PLCH1: variants seen among roughly 807,000 people sequenced by gnomAD.
PLCH1 encodes phospholipase C eta 1, also known as 1-phosphatidylinositol 4,5-bisphosphate phosphodiesterase eta-1.
PLCH1 carries 60 observed loss-of-function variants against 126.7 expected under a neutral mutation model. That is an observed-to-expected ratio of 0.47 (90% CI 0.38 to 0.59). PLCH1 has a LOEUF of 0.59. Among genes scored for constraint, PLCH1 ranks in the 20% least tolerant of loss-of-function variants. PLCH1 has a pLI of 0.00. For missense variants in PLCH1, 1,723 were observed against 2,040.0 expected (o/e 0.84, Z 2.99); for synonymous variants, 719 against 734.9 (o/e 0.98, Z 0.35).
chr3:155,455,292 G>A (rs1189460763), intron 21 of PLCH1, among the ~76,000 whole-genome samples: 1 of 152,126 alleles, frequency 6.6e-6, no homozygotes, highest in African/African-American at 2.4e-5. Flanking sequence ...CTCTCAAGGG[G>A]ACTGGAGTGA....
At chr3:155,620,806 C>A (rs1053705002) in intron 2 of PLCH1, among the ~76,000 whole-genome samples, 1 of 152,062 alleles carries the variant, frequency 6.6e-6, no homozygotes, top group African/African-American at 2.4e-5. Context: ...GACAGAGCAC[C>A]TGGGGGAAGG....
At chr3:155,607,213 G>A (rs1191739132) in intron 2 of PLCH1, among the ~76,000 whole-genome samples, 4 of 152,104 alleles carry the variant, frequency 2.6e-5, no homozygotes, top group East Asian at 3.9e-4. Flanking sequence ...TCTAAAATGC[G>A]AAAGAGAAAC....
intron 1 of PLCH1, among the ~76,000 whole-genome samples, chr3:155,730,111 T>C (rs892508824): frequency 3.3e-5 from 5 of 152,062 alleles, no homozygotes; most frequent in Non-Finnish European, 2.9e-5. Flanking sequence ...GATGGGTTCT[T>C]AATCCTCTAA....
chr3:155,564,762 T>G (rs972116587), intron 8 of PLCH1, among the ~76,000 whole-genome samples, 153 bp downstream of exon 8: 4 of 152,160 alleles, frequency 2.6e-5, no homozygotes, highest in Non-Finnish European at 5.9e-5. Context: ...CAGAGAGAAT[T>G]ATGAGTTAAG....
At chr3:155,647,997 T>C (rs1740257399) in intron 2 of PLCH1, among the ~76,000 whole-genome samples, 1 of 152,236 alleles carries the variant, frequency 6.6e-6, no homozygotes, top group Admixed American at 6.5e-5. Context: ...TTCAACCTGC[T>C]GTATTTATCC....
chr3:155,679,138 A>C (rs1297690274), intron 2 of PLCH1, among the ~76,000 whole-genome samples: 1 of 152,228 alleles, frequency 6.6e-6, no homozygotes, highest in Non-Finnish European at 1.5e-5. Context: ...TTGTCATATA[A>C]AACAAGACAC....
intron 2 of PLCH1, among the ~76,000 whole-genome samples, chr3:155,596,876 A>G (rs1292763284): frequency 6.6e-6 from 1 of 152,258 alleles, no homozygotes; most frequent in Non-Finnish European, 1.5e-5. Flanking sequence ...GTTTGAAAAT[A>G]GCTAAATAAA....
At position 155,583,792 on chromosome 3, in the gene PLCH1, A is replaced by C. The variant is rs148289016; in HGVS notation, c.601-150T>G. 1,931 of 543,544 alleles carry C rather than the reference A, an allele frequency of 3.6e-3. 24 individuals are homozygous for C. Among genetic ancestry groups the C allele is most frequent in the Middle Eastern group, 0.018 (38 of 2,086 alleles). 33.7% of individuals were successfully genotyped at this position (543,544 alleles called of 1,614,324 possible). A position where few individuals can be genotyped will look rare whatever the true frequency, so the allele number is the denominator to read the frequency against. On this transcript the variant is annotated intron_variant, in intron 5 of 22. Transcript: ENST00000460012. The stretch of plus-strand genomic sequence containing the variant: ...TCGAGCACACATTCTCTTCAAGCAC[A>C]CATGGAACATTATAAAGCAACCACA...
chr3:155,631,930 A>G (rs1738087490), intron 2 of PLCH1, among the ~76,000 whole-genome samples: 1 of 146,050 alleles, frequency 6.8e-6, no homozygotes, highest in African/African-American at 2.6e-5. Flanking sequence ...GTCTTGAAGC[A>G]CTTGACTCAG....
intron 10 of PLCH1, among the ~76,000 whole-genome samples, chr3:155,538,946 A>G (rs1723834693): frequency 1.1e-4 from 1 of 9,310 alleles, no homozygotes; most frequent in African/African-American, 1.7e-4. Context: ...AGGACATAAC[A>G]AAAAAAAAAG....
Position 155,498,348 on chromosome 3 carries a change from T to C in PLCH1, c.1797-931A>G, listed in dbSNP as rs1453142568. 3.9e-5 allele frequency among the ~76,000 whole-genome samples: 6 copies of C among 152,306 alleles called. No individual in the cohort carries two copies. The South Asian group carries it at 1.0e-3, about 26-fold the overall frequency. On this transcript the variant is annotated intron_variant, in intron 14 of 22. Coordinates refer to ENST00000460012, the MANE Select transcript of PLCH1 (RefSeq NM_014996.4). Reference sequence around the variant, plus strand: ...AGGAAAGAGAAAAACAACATATATATAGGGTTCACTACCATCTGTGGTTTC... The same window carrying C: ...AGGAAAGAGAAAAACAACATATATACAGGGTTCACTACCATCTGTGGTTTC...
At chr3:155,466,870 G>A (rs183198295) in intron 21 of PLCH1, among the ~76,000 whole-genome samples, 296 of 152,248 alleles carry the variant, frequency 1.9e-3, no homozygotes, top group African/African-American at 6.7e-3. Flanking sequence ...ATGCATCAGA[G>A]TTCTTTAATT....
At chr3:155,600,803 T>A (rs1287832070) in intron 2 of PLCH1, among the ~76,000 whole-genome samples, 1 of 152,192 alleles carries the variant, frequency 6.6e-6, no homozygotes, top group Non-Finnish European at 1.5e-5. Context: ...TTTCCATGTT[T>A]CTACAGAGTC....
chr3:155,668,172 A>G (rs1295100423), intron 2 of PLCH1, among the ~76,000 whole-genome samples: 1 of 151,990 alleles, frequency 6.6e-6, no homozygotes, highest in East Asian at 1.9e-4. Flanking sequence ...TATTTGCAGT[A>G]ACAATCAACA....
intron 21 of PLCH1, among the ~76,000 whole-genome samples, chr3:155,465,104 G>A (rs2107976718): frequency 7.5e-6 from 1 of 133,714 alleles, no homozygotes; most frequent in Admixed American, 7.7e-5. Flanking sequence ...GTGAGACTCT[G>A]TCTCAAAAAA....
rs116061197 is a variant in PLCH1, at chr3:155,612,974, A to G, written c.80-16596T>C. 1.8e-3 allele frequency among the ~76,000 whole-genome samples: 268 copies of G among 151,914 alleles called. 3 individuals carry two copies. Among genetic ancestry groups the G allele is most frequent in the African/African-American group, 6.3e-3 (261 of 41,396 alleles). ...TAGAAACAAAACGAGAGATATTACA[A>G]TCAATAATACAGAAATACAAAAGAT... On this transcript the variant is annotated intron_variant, in intron 2 of 22. Coordinates refer to ENST00000460012, the MANE Select transcript of PLCH1 (RefSeq NM_014996.4).
At chr3:155,492,991 C>A (rs1716478132) in intron 17 of PLCH1, 138 bp from the exon 18 acceptor site, 1 of 736,020 alleles carries the variant, frequency 1.4e-6, no homozygotes, top group Non-Finnish European at 2.0e-6. Context: ...TGTGGCATAG[C>A]TGTGGTTTTC....
At chr3:155,464,095 C>T (rs532035822) in intron 21 of PLCH1, among the ~76,000 whole-genome samples, 1 of 152,116 alleles carries the variant, frequency 6.6e-6, no homozygotes, top group Admixed American at 6.6e-5. Flanking sequence ...TTCACAGGTG[C>T]ATTGGAGGTC....
At chr3:155,597,603 T>C (rs1733143373) in intron 2 of PLCH1, among the ~76,000 whole-genome samples, 1 of 152,168 alleles carries the variant, frequency 6.6e-6, no homozygotes, top group Non-Finnish European at 1.5e-5. Flanking sequence ...TAAACAAACC[T>C]CAGCAACATT....
Sources: allele counts gnomAD v4.1 joint callset (sites outside exome capture counted in the v4.1 genomes callset), GRCh38; gene constraint gnomAD v4.1.1; transcripts MANE v1.5; gene names NCBI Gene and HGNC (gene_info 2026-07-23, HGNC 2026-07-21).